The following BDNF variants were observed in gnomAD, a reference collection of about 807,000 sequenced individuals.
BDNF encodes the protein neurotrophic factor BDNF precursor form.
Under a neutral mutation model 19.5 loss-of-function variants are expected in BDNF, and 1 was observed. The observed-to-expected ratio is 0.05, with a 90% CI of 0.02 to 0.24. The LOEUF is 0.24. Among genes scored for constraint, BDNF ranks in the 10% least tolerant of loss-of-function variants. The pLI, the probability that BDNF is intolerant of heterozygous loss-of-function variation, is 1.00. For missense variants in BDNF, 195 were observed against 317.6 expected, an observed-to-expected ratio of 0.61 and a Z score of 2.93; for synonymous variants, 100 against 121.6, an observed-to-expected ratio of 0.82 and a Z score of 1.17.
Position 27,700,288 on chromosome 11 carries a change from G to T in BDNF, c.-146C>A. On this transcript the variant is annotated 5_prime_UTR_variant, in exon 1 of 2. Coordinates refer to ENST00000356660, the MANE Select transcript of BDNF (RefSeq NM_001709.5). Reference sequence around the variant, plus strand: ...GCTCCCCGCCGGCCCCACAGCAGCGGTGGGTGTCTCATTAAAGCCCCCCGA... The same window carrying T: ...GCTCCCCGCCGGCCCCACAGCAGCGTTGGGTGTCTCATTAAAGCCCCCCGA... 2 of 985,134 alleles carry T rather than the reference G, an allele frequency of 2.0e-6. No individual in the cohort carries two copies. The highest frequency in any genetic ancestry group is 1.2e-6 in the Non-Finnish European group (1 of 829,916). The allele number at this position is 985,134 out of a possible 1,614,324, so 61.0% of individuals were successfully genotyped here. A position where few individuals can be genotyped will look rare whatever the true frequency, so the allele number is the denominator to read the frequency against.
upstream of BDNF, among the ~76,000 whole-genome samples, chr11:27,705,364 G>A (rs1220229060): frequency 6.6e-6 from 1 of 152,090 alleles, no homozygotes; most frequent in Non-Finnish European, 1.5e-5. Flanking sequence ...GATGAAAGAT[G>A]AACATTAGCT....
intron 1 of BDNF, among the ~76,000 whole-genome samples, chr11:27,688,899 A>G (rs983612561): frequency 6.6e-6 from 1 of 152,234 alleles, no homozygotes; most frequent in African/African-American, 2.4e-5. Flanking sequence ...TCACTTAGCA[A>G]GAGTCTCAGG....
In BDNF at chr11:27,674,210, T is replaced by C; in HGVS notation, c.-21-15625A>G. The stretch of plus-strand genomic sequence containing the variant: ...ATGTGTGGACCTGCAACCCTTTCTG[T>C]AGAAACTCAGCATTCTGAGTAGTAA... On this transcript the variant is annotated intron_variant, in intron 1 of 1. Transcript: ENST00000356660. 6.2e-7 allele frequency: 1 copy of C among 1,602,470 alleles called. No homozygotes were observed. The highest frequency in any genetic ancestry group is 8.5e-7 in the Non-Finnish European group (1 of 1,173,844).
intron 1 of BDNF, among the ~76,000 whole-genome samples, chr11:27,710,009 A>T (rs2134103194): frequency 6.6e-6 from 1 of 152,372 alleles, no homozygotes; most frequent in African/African-American, 2.4e-5. Flanking sequence ...TCTACCAGCC[A>T]TCATATTACT....
chr11:27,666,782 T>C (rs1854421111), intron 1 of BDNF, among the ~76,000 whole-genome samples: 1 of 152,086 alleles, frequency 6.6e-6, no homozygotes, highest in African/African-American at 2.4e-5. Context: ...AAAGACCAAA[T>C]CTACATCTGA....
chr11:27,698,701 A>G (rs1859488865), intron 1 of BDNF, among the ~76,000 whole-genome samples: 1 of 152,150 alleles, frequency 6.6e-6, no homozygotes, highest in Non-Finnish European at 1.5e-5. Context: ...AACGTTCCCA[A>G]TTACATATTA....
In BDNF at chr11:27,657,353, T is replaced by A. The variant is rs997158132; in HGVS notation, c.*468A>T. Reference sequence around the variant, plus strand: ...TGACATTGTTTTAATTCCAACGCTATCAGAAGTTAAAAGCAGTAAAACAGA... The same window carrying A: ...TGACATTGTTTTAATTCCAACGCTAACAGAAGTTAAAAGCAGTAAAACAGA... On this transcript the variant is annotated 3_prime_UTR_variant, in exon 2 of 2. Transcript: ENST00000356660. The surrounding 1 kb of genome is among the most constrained non-coding windows in gnomAD (Gnocchi z 5.0). 2 of 998,772 alleles carry A rather than the reference T, an allele frequency of 2.0e-6. No individual in the cohort carries two copies. The highest frequency in any genetic ancestry group is 3.5e-5 in the African/African-American group (2 of 57,264). The allele number at this position is 998,772 out of a possible 1,614,324, so 61.9% of individuals were successfully genotyped here.
intron 1 of BDNF, among the ~76,000 whole-genome samples, chr11:27,663,270 T>C (rs1488554961): frequency 6.6e-6 from 1 of 152,242 alleles, no homozygotes; most frequent in Non-Finnish European, 1.5e-5. Flanking sequence ...TTATACTTAA[T>C]AAATTCATTG....
chr11:27,678,528 A>G (rs1371788953), intron 1 of BDNF, among the ~76,000 whole-genome samples: 1 of 152,202 alleles, frequency 6.6e-6, no homozygotes, highest in Non-Finnish European at 1.5e-5. Context: ...GAAGCCTACT[A>G]AGGGAAATTA....
chr11:27,674,240 G>C, intron 1 of BDNF: 1 of 1,588,544 alleles, frequency 6.3e-7, no homozygotes, highest in South Asian at 1.1e-5. Flanking sequence ...TAGTAACAAG[G>C]ATTAACCTTG....
intron 1 of BDNF, among the ~76,000 whole-genome samples, chr11:27,678,724 A>ACTT (rs900392163): frequency 3.3e-5 from 5 of 152,204 alleles, no homozygotes; most frequent in African/African-American, 1.2e-4. Flanking sequence ...AACTTCAAAT[A>ACTT]CTTTTGAAAA....
intron 1 of BDNF, chr11:27,691,001 A>C (rs1249220321): frequency 2.0e-5 from 3 of 152,226 alleles, no homozygotes; most frequent in Non-Finnish European, 4.4e-5. Context: ...ATTGTTAAAA[A>C]GAGTTCTTCA....
intron 1 of BDNF, among the ~76,000 whole-genome samples, chr11:27,662,279 A>G (rs1331962439): frequency 6.6e-6 from 1 of 152,210 alleles, no homozygotes; most frequent in Non-Finnish European, 1.5e-5. Flanking sequence ...GCTGAAAGGT[A>G]AGTTCTTTGA....
chr11:27,663,716 C>T (rs1853833123), intron 1 of BDNF, among the ~76,000 whole-genome samples: 1 of 152,146 alleles, frequency 6.6e-6, no homozygotes, highest in Non-Finnish European at 1.5e-5. Context: ...GATGTGTTGC[C>T]AGTTTTAGAA....
intron 1 of BDNF, among the ~76,000 whole-genome samples, chr11:27,665,807 G>GGCCT (rs1217720366): frequency 3.9e-5 from 6 of 152,322 alleles, no homozygotes; most frequent in African/African-American, 1.4e-4. Context: ...AGCTCAAGGA[G>GGCCT]GCCTGCCTGC....
chr11:27,719,157 G>A (rs1342908627), intron 1 of BDNF, among the ~76,000 whole-genome samples: 1 of 152,104 alleles, frequency 6.6e-6, no homozygotes, highest in Non-Finnish European at 1.5e-5. Flanking sequence ...GGCGGGAGAG[G>A]TAGAACACAG....
At chr11:27,706,912 A>C (rs1231567415) in intron 1 of BDNF, among the ~76,000 whole-genome samples, 3 of 152,140 alleles carry the variant, frequency 2.0e-5, no homozygotes, top group Non-Finnish European at 2.9e-5. Flanking sequence ...AAAAGAAACA[A>C]CTCTTGAATA....
At chr11:27,689,009 T>A (rs1211128631) in intron 1 of BDNF, among the ~76,000 whole-genome samples, 1 of 152,244 alleles carries the variant, frequency 6.6e-6, no homozygotes, top group Non-Finnish European at 1.5e-5. Flanking sequence ...AAAAATTAAA[T>A]TAAAAAACTC....
chr11:27,687,661 C>T (rs1406936965), intron 1 of BDNF, among the ~76,000 whole-genome samples: 2 of 152,216 alleles, frequency 1.3e-5, no homozygotes, highest in African/African-American at 4.8e-5. Context: ...AACAGTCAGG[C>T]CCCTCTGCTG....
Sources: gnomAD v4.1 joint callset for allele counts (sites outside exome capture counted in the v4.1 genomes callset) on GRCh38, gnomAD v4.1.1 for gene constraint, Gnocchi (gnomAD v3.1) non-coding constraint, MANE v1.5 for transcripts, NCBI Gene and HGNC (gene_info 2026-07-23, HGNC 2026-07-21) for gene names.